Variants in SYNJ1 observed in about 807,000 individuals in gnomAD.
The protein encoded by SYNJ1 is synaptojanin 1, also known as polyphosphatidylinositol phosphatase SYNJ1.
In SYNJ1, 78 loss-of-function variants were observed where a neutral mutation model predicts 168.2. That is an observed-to-expected ratio of 0.46 (90% confidence interval 0.39 to 0.56). The LOEUF is 0.56. SYNJ1 is among the 20% of genes least tolerant of loss of function. The pLI is 0.00. For synonymous variants in SYNJ1, 539 were observed against 548.6 expected, an observed-to-expected ratio of 0.98 and a Z score of 0.24; for missense variants, 1,303 against 1,597.6, an observed-to-expected ratio of 0.82 and a Z score of 3.14.
intron 2 of SYNJ1, among the ~76,000 whole-genome samples, chr21:32,719,713 T>TA (rs971478588): frequency 1.0e-3 from 132 of 129,890 alleles, no homozygotes; most frequent in Middle Eastern, 3.8e-3. Context: ...AACTCCATCT[T>TA]AAAAAAAAAA....
At position 32,646,479 on chromosome 21, in the gene SYNJ1, G is replaced by A. The variant is rs2040074629; in HGVS notation, c.3161C>T (p.Pro1054Leu). ...SSPRTSPCQS[P>L]TISEGPVPSL... ...AGGTACAGGACCCTCTGATATTGTA[G>A]GTGACTGGCAGGGACTAGTTCGGGG... Residue 1054 changes from proline (P) to leucine (L), a missense_variant, in exon 24 of 33, where the codon CCT becomes CTT. This residue lies in a region of SYNJ1 where 383 missense variants were observed against 388.8 expected (regional missense o/e 0.99). Coordinates refer to ENST00000674351, the MANE Select transcript of SYNJ1 (RefSeq NM_203446.3). 6.2e-7 allele frequency: 1 copy of A among 1,614,046 alleles called. No homozygotes were observed. The highest frequency in any genetic ancestry group is 1.3e-5 in the African/African-American group (1 of 74,908).
At position 32,665,983 on chromosome 21, in the gene SYNJ1, T is replaced by C; in HGVS notation, c.2105A>G (p.Glu702Gly). The change falls in exon 17 of 33, where the codon GAA becomes GGA. Residue 702 changes from glutamate to glycine, a missense_variant. This residue lies in a region of SYNJ1 where 920 missense variants were observed against 1,208.8 expected (regional missense o/e 0.76). Transcript: ENST00000674351. ...AGQSQVKERN[E>G]DFIEIARKLS... ...TTTTCGTGCTATTTCTATAAAATCT[T>C]CATTTCTTTCTTTGACTTGTGACTG... 6.2e-7 allele frequency: 1 copy of C among 1,612,800 alleles called. No individual in the cohort carries two copies. The highest frequency in any genetic ancestry group is 8.5e-7 in the Non-Finnish European group (1 of 1,179,564).
At chr21:32,709,154 A>G (rs1010471430) in intron 2 of SYNJ1, among the ~76,000 whole-genome samples, 5 of 152,180 alleles carry the variant, frequency 3.3e-5, no homozygotes, top group African/African-American at 1.2e-4. Flanking sequence ...CATGGATCCA[A>G]CACGCTTTTA....
chr21:32,686,137 AT>A lies in SYNJ1; in HGVS notation c.949-221del, dbSNP rs1386496168. Among the ~76,000 whole-genome samples the A allele has an allele frequency of 2.0e-5, 3 of 152,168 alleles. No individual in the cohort carries two copies. The East Asian group carries it at 5.8e-4, about 29-fold the overall frequency. Reference sequence around the variant, plus strand: ...AATTATTTCCAATTGCCAGCATTTTATTTTTACAACACAAACTTACTATTTA... The same window carrying A: ...AATTATTTCCAATTGCCAGCATTTTATTTTACAACACAAACTTACTATTTA... On this transcript the variant is annotated intron_variant, in intron 8 of 32. Transcript: ENST00000674351.
intron 9 of SYNJ1, among the ~76,000 whole-genome samples, chr21:32,684,337 A>T (rs1241539282): frequency 6.6e-6 from 1 of 152,220 alleles, no homozygotes; most frequent in African/African-American, 2.4e-5. Flanking sequence ...GCTTCATTAC[A>T]TTATCTATCA....
At chr21:32,721,497 T>C (rs575432009) in intron 2 of SYNJ1, among the ~76,000 whole-genome samples, 1 of 151,686 alleles carries the variant, frequency 6.6e-6, no homozygotes. Flanking sequence ...GCCAACATGG[T>C]GAAACCCTGT....
intron 23 of SYNJ1, among the ~76,000 whole-genome samples, chr21:32,649,733 T>C (rs541802472): frequency 6.6e-6 from 1 of 152,226 alleles, no homozygotes; most frequent in South Asian, 2.1e-4. Flanking sequence ...AAACACAATA[T>C]GATGTGAAAT....
chr21:32,681,747 T>C, intron 10 of SYNJ1, 99 bp from the exon 11 acceptor site: 1 of 1,123,250 alleles, frequency 8.9e-7, no homozygotes, highest in Non-Finnish European at 1.2e-6. Context: ...TTTATCATTA[T>C]AGCACTATTT....
At chr21:32,633,423 T>C (rs1383840633) in intron 32 of SYNJ1, among the ~76,000 whole-genome samples, 3 of 152,206 alleles carry the variant, frequency 2.0e-5, no homozygotes, top group Non-Finnish European at 4.4e-5. Context: ...AATTAGCTTA[T>C]CAGGCATACA....
intron 2 of SYNJ1, among the ~76,000 whole-genome samples, chr21:32,725,078 G>A (rs1182782929): frequency 6.6e-6 from 1 of 152,112 alleles, no homozygotes; most frequent in Non-Finnish European, 1.5e-5. Flanking sequence ...TTATTCTTAG[G>A]TTTCCTAACC....
intron 6 of SYNJ1, among the ~76,000 whole-genome samples, chr21:32,692,867 A>G: frequency 6.6e-6 from 1 of 152,012 alleles, no homozygotes. Flanking sequence ...CTGGGCAACA[A>G]GGTGGGACCC....
chr21:32,691,386 A>G (rs551565186), intron 6 of SYNJ1, among the ~76,000 whole-genome samples: 10 of 152,338 alleles, frequency 6.6e-5, no homozygotes, highest in African/African-American at 9.6e-5. Flanking sequence ...CCTCCCCAGA[A>G]GCAGATGCTG....
rs541360978 is a variant in SYNJ1, at chr21:32,719,665, A to C, written c.124+7107T>G. Among the ~76,000 whole-genome samples the C allele has an allele frequency of 6.6e-5, 10 of 151,742 alleles. No individual in the cohort carries two copies. The South Asian group carries it at 1.9e-3, about 28-fold the overall frequency. ...TAGGCAGAGGTTGCAGTGAGCCGAG[A>C]CCGTGCCATTGCACTCCAACCTGGG... On this transcript the variant is annotated intron_variant, in intron 2 of 32. Transcript: ENST00000674351.
intron 18 of SYNJ1, chr21:32,658,632 T>A (rs2040556650): frequency 6.6e-6 from 1 of 152,278 alleles, no homozygotes; most frequent in African/African-American, 2.4e-5. Flanking sequence ...TGTAACACTT[T>A]CTGTGGGGCT....
intron 4 of SYNJ1, among the ~76,000 whole-genome samples, chr21:32,696,304 G>C (rs1316419690): frequency 6.6e-6 from 1 of 152,230 alleles, no homozygotes; most frequent in Non-Finnish European, 1.5e-5. Flanking sequence ...CTAGGTAACA[G>C]ATGTGGCCTG....
rs761176395 is a variant in SYNJ1, at chr21:32,699,986, A to C, written c.331T>G (p.Ser111Ala). 4 of 1,614,084 alleles carry C rather than the reference A, an allele frequency of 2.5e-6. No homozygotes were observed. Among genetic ancestry groups the C allele is most frequent in the Non-Finnish European group, 3.4e-6 (4 of 1,180,038 alleles). The change falls in exon 4 of 33, where the codon TCA (serine) becomes GCA (alanine). Residue 111 changes from serine to alanine, a missense_variant. Physicochemically the swap from Ser to Ala is moderately conservative, Grantham distance 99. This residue lies in a region of SYNJ1 where 920 missense variants were observed against 1,208.8 expected (regional missense o/e 0.76). Transcript: ENST00000674351. The part of the protein sequence containing the change: ...TEFISLRIDS[S>A]DEDRISEVRK... ...ACTTCTGAAATGCGATCCTCATCTG[A>C]AGAATCGATTCGCAGTGATATAAAC...
chr21:32,662,051 A>G (rs2040727153), intron 18 of SYNJ1, among the ~76,000 whole-genome samples: 1 of 152,020 alleles, frequency 6.6e-6, no homozygotes, highest in Admixed American at 6.6e-5. Context: ...GACCACCCCC[A>G]CGGCTGTAAA....
At chr21:32,669,266 G>C (rs2041083314) in intron 15 of SYNJ1, among the ~76,000 whole-genome samples, 1 of 152,024 alleles carries the variant, frequency 6.6e-6, no homozygotes, top group African/African-American at 2.4e-5. Flanking sequence ...TAGGTTATGT[G>C]GCATTTTTTT....
chr21:32,682,655 A>G (rs2041669655), intron 10 of SYNJ1, among the ~76,000 whole-genome samples: 1 of 152,122 alleles, frequency 6.6e-6, no homozygotes, highest in Admixed American at 6.5e-5. Context: ...GGCTTTGTCT[A>G]TCTTGGTGTC....
Sources: allele counts gnomAD v4.1 joint callset (sites outside exome capture counted in the v4.1 genomes callset), GRCh38; gene constraint gnomAD v4.1.1; regional missense constraint gnomAD v4.1.1; transcripts MANE v1.5; gene names NCBI Gene and HGNC (gene_info 2026-07-23, HGNC 2026-07-21).